The following GRHL3 variants were observed in gnomAD, a reference collection of about 807,000 sequenced individuals.
The protein encoded by GRHL3 is grainyhead-like protein 3 homolog.
A neutral mutation model predicts 70.3 loss-of-function variants in GRHL3; 20 were observed. The observed-to-expected ratio is 0.28, with a 90% CI of 0.20 to 0.41. GRHL3 has a LOEUF of 0.41. GRHL3 is among the 10% of genes least tolerant of loss of function. The pLI is 1.00. For missense variants in GRHL3, 637 were observed against 762.3 expected (o/e 0.84, Z 1.94); for synonymous variants, 299 against 299.9 (o/e 1.00, Z 0.03).
chr1:24,326,085 G>GA (rs1469899697), intron 1 of GRHL3, among the ~76,000 whole-genome samples: 1 of 152,200 alleles, frequency 6.6e-6, no homozygotes, highest in Non-Finnish European at 1.5e-5. Flanking sequence ...GATCAGAGGT[G>GA]ATGACAGATG....
chr1:24,346,340 A>G (rs146411985), intron 12 of GRHL3, among the ~76,000 whole-genome samples: 15 of 152,102 alleles, frequency 9.9e-5, no homozygotes, highest in Admixed American at 5.9e-4. Flanking sequence ...TAAGGGACTC[A>G]CCCAGGTCAC....
chr1:24,328,399 G>A (rs1250314246), intron 1 of GRHL3, among the ~76,000 whole-genome samples: 1 of 152,232 alleles, frequency 6.6e-6, no homozygotes, highest in African/African-American at 2.4e-5. Context: ...TTTGCCAGTG[G>A]TAAGTGTTTA....
At position 24,337,974 on chromosome 1, in the gene GRHL3, G is replaced by T; in HGVS notation, c.841-18G>T. Reference sequence around the variant, plus strand: ...CTAGGAAGAGGCCGGGAGTGACTGTGACCAACTGTGCTTGCAGAGTGTGGT... The same window carrying T: ...CTAGGAAGAGGCCGGGAGTGACTGTTACCAACTGTGCTTGCAGAGTGTGGT... On this transcript the variant is annotated intron_variant, in intron 6 of 15. Transcript: ENST00000361548. 6.3e-7 allele frequency: 1 copy of T among 1,580,682 alleles called. No individual in the cohort carries two copies. Among genetic ancestry groups the T allele is most frequent in the South Asian group, 1.2e-5 (1 of 86,296 alleles).
intron 15 of GRHL3, among the ~76,000 whole-genome samples, chr1:24,352,993 C>A (rs1569929406): frequency 6.6e-6 from 1 of 152,240 alleles, no homozygotes; most frequent in Non-Finnish European, 1.5e-5. Flanking sequence ...GCCTGCCGCT[C>A]CTGCGCCACT....
chr1:24,329,214 T>C (rs1214365663), intron 1 of GRHL3, among the ~76,000 whole-genome samples: 2 of 152,162 alleles, frequency 1.3e-5, no homozygotes, highest in East Asian at 1.9e-4. Context: ...TCCTCACACC[T>C]TGGGGCCTGG....
chr1:24,341,991 G>C (rs1049265747), intron 8 of GRHL3, 124 bp from the exon 9 acceptor site: 10 of 821,118 alleles, frequency 1.2e-5, no homozygotes, highest in African/African-American at 1.7e-5. Flanking sequence ...TGCCTTCTAG[G>C]GGCCTAGTGA....
At chr1:24,336,941 G>A (rs1001717282) in intron 4 of GRHL3, 114 bp downstream of exon 4, 2 of 1,211,250 alleles carry the variant, frequency 1.7e-6, no homozygotes, top group African/African-American at 1.5e-5. Flanking sequence ...GCATCCTAGA[G>A]CTGAGACGGG....
chr1:24,324,889 T>A (rs778469031), intron 1 of GRHL3, among the ~76,000 whole-genome samples: 2 of 152,090 alleles, frequency 1.3e-5, no homozygotes, highest in Non-Finnish European at 2.9e-5. Flanking sequence ...CATTTCCCCA[T>A]TGAGGCCCCC....
At position 24,321,849 on chromosome 1, in the gene GRHL3, T is replaced by G. The variant is rs1569846870; in HGVS notation, c.17+2281T>G. 6.6e-6 allele frequency: 1 copy of G among 152,142 alleles called. No homozygotes were observed. 9.4% of individuals were successfully genotyped at this position (152,142 alleles called of 1,614,324 possible). A position where few individuals can be genotyped will look rare whatever the true frequency, so the allele number is the denominator to read the frequency against. On this transcript the variant is annotated intron_variant, in intron 1 of 15. Transcript: ENST00000361548. The surrounding 1 kb of genome is among the most constrained non-coding windows in gnomAD (Gnocchi z 4.0). ...CGGGTGCTGAGCGCCGGGCCTTTCA[T>G]GTGGTCGCAGCGCTCTGGGTGCCTG...
chr1:24,342,621 T>G lies in GRHL3; in HGVS notation c.1207-73T>G. On this transcript the variant is annotated intron_variant, in intron 9 of 15. Coordinates refer to ENST00000361548, the MANE Select transcript of GRHL3 (RefSeq NM_198173.3). This position sits in a 1 kb window ranked among gnomAD's most constrained non-coding sequence, Gnocchi z 4.8. ...CCAGAAGCTTGGCCCATATTTAAGATGCAAAGCAGCAGCTGTGAAAGTAGC... is the reference window on the plus strand; with the variant it reads ...CCAGAAGCTTGGCCCATATTTAAGAGGCAAAGCAGCAGCTGTGAAAGTAGC... 7.6e-7 allele frequency: 1 copy of G among 1,314,902 alleles called. No homozygotes were observed. The highest frequency in any genetic ancestry group is 1.1e-6 in the Non-Finnish European group (1 of 909,468). The allele number at this position is 1,314,902 out of a possible 1,614,324, so 81.5% of individuals were successfully genotyped here.
chr1:24,341,193 C>G (rs904875067), intron 8 of GRHL3, among the ~76,000 whole-genome samples: 1 of 152,154 alleles, frequency 6.6e-6, no homozygotes, highest in Non-Finnish European at 1.5e-5. Flanking sequence ...GGGTTTGCCC[C>G]GCTGAGACTG....
At chr1:24,357,016 TAA>T (rs1205348572), downstream of GRHL3, 3 of 143,006 alleles carry the variant, frequency 2.1e-5, no homozygotes, top group African/African-American at 7.8e-5. Context: ...GCAAGATAAA[TAA>T]GTTTAATGCA....
chr1:24,324,525 T>C (rs1265491739), intron 1 of GRHL3, among the ~76,000 whole-genome samples: 1 of 152,276 alleles, frequency 6.6e-6, no homozygotes, highest in Non-Finnish European at 1.5e-5. Context: ...GGCACTATGC[T>C]GATCGCTTTA....
intron 1 of GRHL3, among the ~76,000 whole-genome samples, chr1:24,330,287 C>T (rs1291444703): frequency 1.3e-5 from 2 of 152,116 alleles, no homozygotes; most frequent in South Asian, 2.1e-4. Context: ...CTGTAGTCAC[C>T]CTGCTGTGAA....
Position 24,322,925 on chromosome 1 carries a change from C to A in GRHL3, c.17+3357C>A. ...AGTTTTGCCGAAGAGGGGACCCAGA[C>A]CTGGTTCAGGCTTGCCCAAGGTCTC... On this transcript the variant is annotated intron_variant, in intron 1 of 15. Coordinates refer to ENST00000361548, the MANE Select transcript of GRHL3 (RefSeq NM_198173.3). The surrounding 1 kb of genome is among the most constrained non-coding windows in gnomAD (Gnocchi z 4.4). The A allele has an allele frequency of 1.6e-6, 1 of 624,492 alleles. No individual in the cohort carries two copies. The highest frequency in any genetic ancestry group is 2.8e-5 in the Admixed American group (1 of 35,276). 38.7% of individuals were successfully genotyped at this position (624,492 alleles called of 1,614,324 possible). A position where few individuals can be genotyped will look rare whatever the true frequency, so the allele number is the denominator to read the frequency against.
chr1:24,358,283 G>T (rs1437182240), downstream of GRHL3: 4 of 656,602 alleles, frequency 6.1e-6, no homozygotes, highest in Admixed American at 2.1e-5. Flanking sequence ...GCAGCCAGGG[G>T]GCTCTGTCCA....
rs1342584115 is a variant in GRHL3 at position 24,342,725 on chromosome 1, G to A, written c.1238G>A (p.Arg413Gln). ...GAGAGGAAGATGCGCGATGACGAGC[G>A]GAAGCAGTTCCGGAGGAAGGTCAAG... is the stretch of plus-strand genomic sequence containing the variant. ...GAERKMRDDERKQFRRKVKCP... is the reference protein window; with the variant it reads ...GAERKMRDDEQKQFRRKVKCP... The change falls in exon 10 of 16, where the codon CGG becomes CAG. Residue 413 changes from arginine (R) to glutamine (Q), a missense_variant. Physicochemically the swap from Arg to Gln is conservative, Grantham distance 43 (BLOSUM62 1). Coordinates refer to ENST00000361548, the MANE Select transcript of GRHL3 (RefSeq NM_198173.3). This position sits in a 1 kb window ranked among gnomAD's most constrained non-coding sequence, Gnocchi z 4.8. 7 of 1,614,218 alleles carry A rather than the reference G, an allele frequency of 4.3e-6. No homozygotes were observed. The highest frequency in any genetic ancestry group is 5.9e-6 in the Non-Finnish European group (7 of 1,180,040).
chr1:24,348,283 TAAC>T (rs910200650), intron 14 of GRHL3, among the ~76,000 whole-genome samples: 4 of 152,182 alleles, frequency 2.6e-5, no homozygotes, highest in African/African-American at 9.7e-5. Flanking sequence ...CATGTGCCCT[TAAC>T]AACCCTGAAA....
chr1:24,340,504 G>A (rs1355365124), intron 8 of GRHL3, among the ~76,000 whole-genome samples: 2 of 152,214 alleles, frequency 1.3e-5, no homozygotes, highest in African/African-American at 4.8e-5. Flanking sequence ...GTGCGCATGG[G>A]CCTCGCTGTG....
Sources: allele counts gnomAD v4.1 joint callset (sites outside exome capture counted in the v4.1 genomes callset), GRCh38; gene constraint gnomAD v4.1.1; non-coding constraint Gnocchi (gnomAD v3.1); transcripts MANE v1.5; gene names NCBI Gene and HGNC (gene_info 2026-07-23, HGNC 2026-07-21).